Variants in TMEM65 observed in about 807,000 individuals in gnomAD.
TMEM65 encodes the protein transmembrane protein 65.
Under a neutral mutation model 25.4 loss-of-function variants are expected in TMEM65, and 22 were observed. The observed-to-expected ratio is 0.86, with a 90% CI of 0.62 to 1.23. TMEM65 has a LOEUF of 1.23. Among genes scored for constraint, TMEM65 ranks in the 50% most tolerant of loss-of-function variants. The pLI, the probability that TMEM65 is intolerant of heterozygous loss-of-function variation, is 0.00. For missense variants in TMEM65, 262 were observed against 308.2 expected, an observed-to-expected ratio of 0.85 and a Z score of 1.12; for synonymous variants, 132 against 126.2, an observed-to-expected ratio of 1.05 and a Z score of -0.31.
intron 1 of TMEM65, among the ~76,000 whole-genome samples, chr8:124,340,457 C>T (rs952034113): frequency 2.0e-5 from 3 of 152,120 alleles, no homozygotes; most frequent in South Asian, 2.1e-4. Flanking sequence ...GAAGCTCACA[C>T]GACTTGGGTA....
chr8:124,314,152 T>C (rs1814202527), intron 6 of TMEM65, 91 bp from the exon 7 acceptor site: 2 of 985,702 alleles, frequency 2.0e-6, no homozygotes, highest in South Asian at 1.4e-5. Flanking sequence ...TCTCAATATA[T>C]TTGGATTTGC....
intron 1 of TMEM65, among the ~76,000 whole-genome samples, chr8:124,333,470 C>T (rs201243662): frequency 0.014 from 2,052 of 149,200 alleles, 6 homozygotes; most frequent in Non-Finnish European, 0.02. Context: ...TGTGTGTGTG[C>T]GTGTGTGTGT....
Position 124,339,270 on chromosome 8 carries a change from G to C in TMEM65, c.305-8478C>G, listed in dbSNP as rs566231373. ...ATATAAAATATTCTTGCAACAAGTA[G>C]CTGAATCTTGGCCAATCACAGCAGC... On this transcript the variant is annotated intron_variant, in intron 1 of 6. Coordinates refer to ENST00000297632, the MANE Select transcript of TMEM65 (RefSeq NM_194291.3). 3.2e-5 allele frequency among the ~76,000 whole-genome samples: 4 copies of C among 123,320 alleles called. No individual in the cohort carries two copies. The South Asian group carries it at 1.1e-3, about 34-fold the overall frequency. The allele number at this position is 123,320 out of a possible 152,430, so 80.9% of individuals were successfully genotyped here. A position where few individuals can be genotyped will look rare whatever the true frequency, so the allele number is the denominator to read the frequency against.
At chr8:124,354,157 A>C (rs935460586) in intron 1 of TMEM65, among the ~76,000 whole-genome samples, 6 of 152,214 alleles carry the variant, frequency 3.9e-5, no homozygotes, top group Non-Finnish European at 8.8e-5. Flanking sequence ...GCTACAAAAA[A>C]ACTGGTCTGT....
At chr8:124,355,070 T>C (rs558740701) in intron 1 of TMEM65, among the ~76,000 whole-genome samples, 10 of 152,156 alleles carry the variant, frequency 6.6e-5, no homozygotes, top group South Asian at 4.2e-4. Flanking sequence ...ATAAAGAAAT[T>C]AGACTAACCA....
chr8:124,320,155 T>C lies in TMEM65; in HGVS notation c.552A>G (p.Leu184=), dbSNP rs1465224726. The stretch of plus-strand genomic sequence containing the variant: ...GTGTGAGATCAGGAATTGACAGGCC[T>C]AACCTGGAAGCCAATGCTTCAACGT... ...AGYVEALASR[L]GLSIPDLTPK... Residue 184 remains leucine, a synonymous_variant, in exon 6 of 7, where the codon TTA becomes TTG. Transcript: ENST00000297632. 1 of 1,613,334 alleles carries C rather than the reference T, an allele frequency of 6.2e-7. No homozygotes were observed. Among genetic ancestry groups the C allele is most frequent in the Admixed American group, 1.7e-5 (1 of 60,002 alleles).
intron 2 of TMEM65, among the ~76,000 whole-genome samples, chr8:124,327,657 G>A (rs1011898749): frequency 1.4e-5 from 2 of 142,912 alleles, no homozygotes; most frequent in Admixed American, 7.3e-5. Flanking sequence ...AGACTTTTGT[G>A]TTTTCTTACT....
intron 1 of TMEM65, among the ~76,000 whole-genome samples, chr8:124,363,777 C>T (rs1814902017): frequency 8.1e-6 from 1 of 123,978 alleles, no homozygotes; most frequent in South Asian, 2.7e-4. Context: ...GCGGAGCTTG[C>T]AGTGAGCCGA....
At chr8:124,338,085 T>C (rs1014161922) in intron 1 of TMEM65, among the ~76,000 whole-genome samples, 1 of 152,018 alleles carries the variant, frequency 6.6e-6, no homozygotes, top group Non-Finnish European at 1.5e-5. Context: ...AAATAAATGT[T>C]TTGACGTATT....
At chr8:124,344,273 A>C (rs995567686) in intron 1 of TMEM65, among the ~76,000 whole-genome samples, 3 of 152,236 alleles carry the variant, frequency 2.0e-5, no homozygotes, top group African/African-American at 7.2e-5. Flanking sequence ...TATACCTCTT[A>C]ATTTGCACTA....
intron 5 of TMEM65, among the ~76,000 whole-genome samples, chr8:124,320,781 T>C (rs1216747460): frequency 6.6e-6 from 1 of 152,140 alleles, no homozygotes; most frequent in Non-Finnish European, 1.5e-5. Flanking sequence ...AATTAAACTA[T>C]GTATACTACC....
intron 2 of TMEM65, 105 bp downstream of exon 2, chr8:124,330,642 TG>T: frequency 8.9e-7 from 1 of 1,129,006 alleles, no homozygotes; most frequent in East Asian, 2.7e-5. Context: ...CCACTCTATC[TG>T]GAAAGATTTA....
At chr8:124,331,741 G>A (rs936285490) in intron 1 of TMEM65, among the ~76,000 whole-genome samples, 2 of 151,726 alleles carry the variant, frequency 1.3e-5, no homozygotes, top group African/African-American at 4.8e-5. Flanking sequence ...CCCATAGAGT[G>A]GATCACTCTA....
intron 1 of TMEM65, among the ~76,000 whole-genome samples, chr8:124,342,950 C>T (rs531055468): frequency 6.6e-6 from 1 of 152,086 alleles, no homozygotes; most frequent in Non-Finnish European, 1.5e-5. Context: ...TCTGATTGCA[C>T]ATAAGGCCGA....
intron 1 of TMEM65, among the ~76,000 whole-genome samples, chr8:124,350,463 C>CCT (rs772840896): frequency 1.2e-3 from 130 of 106,104 alleles, no homozygotes; most frequent in African/African-American, 3.8e-3. Flanking sequence ...TCTCTCTTTC[C>CCT]CTCTCTCTCT....
At chr8:124,369,927 C>T (rs1814990243) in intron 1 of TMEM65, among the ~76,000 whole-genome samples, 1 of 151,976 alleles carries the variant, frequency 6.6e-6, no homozygotes, top group South Asian at 2.1e-4. Flanking sequence ...TGTTCTTTAG[C>T]ATATAAAGAG....
chr8:124,336,054 T>A (rs1481580789), intron 1 of TMEM65, among the ~76,000 whole-genome samples: 2 of 152,026 alleles, frequency 1.3e-5, no homozygotes, highest in Non-Finnish European at 2.9e-5. Flanking sequence ...AGTAGGCTTA[T>A]AAAGGCTGGA....
At chr8:124,322,943 T>C (rs1366347187) in intron 4 of TMEM65, among the ~76,000 whole-genome samples, 1 of 151,778 alleles carries the variant, frequency 6.6e-6, no homozygotes, top group South Asian at 2.1e-4. Context: ...TGCAGTGAGC[T>C]GAGATTGCAC....
chr8:124,332,847 C>T (rs1469264127), intron 1 of TMEM65, among the ~76,000 whole-genome samples: 1 of 151,826 alleles, frequency 6.6e-6, no homozygotes, highest in Non-Finnish European at 1.5e-5. Flanking sequence ...TCTGTCTCTC[C>T]CAGGCTGAAG....
Sources: allele counts gnomAD v4.1 joint callset (sites outside exome capture counted in the v4.1 genomes callset), GRCh38; gene constraint gnomAD v4.1.1; transcripts MANE v1.5; gene names NCBI Gene and HGNC (gene_info 2026-07-23, HGNC 2026-07-21).